Variants in LARGE1 observed in about 807,000 individuals in gnomAD.
LARGE1 encodes the protein LARGE xylosyl- and glucuronyltransferase 1, also known as xylosyl- and glucuronyltransferase LARGE1.
LARGE1 carries 43 observed loss-of-function variants against 87.6 expected under a neutral mutation model. That is an observed-to-expected ratio of 0.49 (90% confidence interval 0.38 to 0.63). The LOEUF (loss-of-function observed/expected upper bound fraction) is 0.63. Among genes scored for constraint, LARGE1 ranks in the 30% least tolerant of loss-of-function variants. LARGE1 has a pLI of 0.00. For missense variants in LARGE1, 802 were observed against 1,000.2 expected, an observed-to-expected ratio of 0.80 and a Z score of 2.67; for synonymous variants, 434 against 394.6, an observed-to-expected ratio of 1.10 and a Z score of -1.18.
At chr22:33,390,502 C>G (rs932032330) in intron 7 of LARGE1, among the ~76,000 whole-genome samples, 2 of 152,116 alleles carry the variant, frequency 1.3e-5, no homozygotes, top group East Asian at 3.9e-4. Flanking sequence ...ATGGGTGGCT[C>G]TTCTTTGTAC....
chr22:33,434,934 C>T (rs2067212568), intron 6 of LARGE1, among the ~76,000 whole-genome samples: 1 of 152,140 alleles, frequency 6.6e-6, no homozygotes, highest in African/African-American at 2.4e-5. Context: ...ATTACTTTAT[C>T]TTCATTCCCA....
chr22:33,702,982 T>A (rs1221847931), intron 2 of LARGE1, among the ~76,000 whole-genome samples: 1 of 152,100 alleles, frequency 6.6e-6, no homozygotes, highest in East Asian at 1.9e-4. Flanking sequence ...GAAAAGGTGT[T>A]CCAGGAAGTG....
intron 5 of LARGE1, among the ~76,000 whole-genome samples, chr22:33,598,935 T>C (rs1384530246): frequency 6.6e-6 from 1 of 152,212 alleles, no homozygotes; most frequent in Non-Finnish European, 1.5e-5. Flanking sequence ...TCTAGATTCT[T>C]GAGGAATTGC....
At chr22:33,707,012 G>A (rs1478709401) in intron 2 of LARGE1, among the ~76,000 whole-genome samples, 2 of 152,220 alleles carry the variant, frequency 1.3e-5, no homozygotes, top group East Asian at 3.8e-4. Context: ...TATGTGTTAA[G>A]GTGTGTCTTC....
chr22:33,849,164 T>C (rs1012659272), intron 1 of LARGE1, among the ~76,000 whole-genome samples: 4 of 152,198 alleles, frequency 2.6e-5, no homozygotes, highest in South Asian at 2.1e-4. Flanking sequence ...GTCTCATCAA[T>C]AGTTAATGCT....
In LARGE1 at chr22:33,164,829, TA is replaced by T. The variant is rs112043234; in HGVS notation, c.*1933del. ...CACTGCGCTCGGCCAAGACAAGAAT[TA>T]AAAAAAAAAAATTACCACGAACTCT... On this transcript the variant is annotated 3_prime_UTR_variant, in exon 12 of 12. Coordinates refer to the LARGE1 transcript ENST00000608642. 1,078 of 146,220 alleles carry T rather than the reference TA, an allele frequency of 7.4e-3. 11 individuals are homozygous for T. The highest frequency in any genetic ancestry group is 0.027 in the East Asian group (135 of 5,026). The allele number at this position is 146,220 out of a possible 1,614,324, so 9.1% of individuals were successfully genotyped here.
At chr22:33,821,915 C>T (rs2086835488) in intron 1 of LARGE1, among the ~76,000 whole-genome samples, 1 of 150,524 alleles carries the variant, frequency 6.6e-6, no homozygotes, top group African/African-American at 2.4e-5. Context: ...ACAGTGATGT[C>T]CCAATCACTC....
At chr22:33,397,960 G>T (rs1156902960) in intron 7 of LARGE1, among the ~76,000 whole-genome samples, 2 of 152,100 alleles carry the variant, frequency 1.3e-5, no homozygotes, top group African/African-American at 4.8e-5. Flanking sequence ...GGAACTGCCT[G>T]TTCTTTTGCT....
At chr22:33,815,406 G>C (rs577127406) in intron 1 of LARGE1, among the ~76,000 whole-genome samples, 74 of 152,286 alleles carry the variant, frequency 4.9e-4, no homozygotes, top group African/African-American at 1.8e-3. Flanking sequence ...CTCATTAAGA[G>C]GCACAGTAAT....
At chr22:33,819,505 C>T (rs2086756738) in intron 1 of LARGE1, among the ~76,000 whole-genome samples, 1 of 152,090 alleles carries the variant, frequency 6.6e-6, no homozygotes, top group Non-Finnish European at 1.5e-5. Flanking sequence ...TTCACCAAAT[C>T]CTTAATTTCC....
intron 7 of LARGE1, 84 bp from the exon 8 acceptor site, chr22:33,384,388 A>G: frequency 1.0e-6 from 1 of 955,132 alleles, no homozygotes; most frequent in Non-Finnish European, 1.7e-6. Flanking sequence ...TCACAGCCAC[A>G]GTCTCTCGGG....
intron 1 of LARGE1, among the ~76,000 whole-genome samples, chr22:33,783,754 A>G (rs577699338): frequency 6.6e-6 from 1 of 152,288 alleles, no homozygotes; most frequent in South Asian, 2.1e-4. Context: ...TGGTCGCAGG[A>G]TAAGAGAATG....
chr22:33,631,158 TCTA>T (rs1449992043), intron 3 of LARGE1, among the ~76,000 whole-genome samples: 5 of 45,910 alleles, frequency 1.1e-4, no homozygotes, highest in Non-Finnish European at 2.0e-4. Flanking sequence ...CAGCCAACTG[TCTA>T]TTTTTTTTTT....
intron 5 of LARGE1, among the ~76,000 whole-genome samples, chr22:33,567,165 T>C (rs759033180): frequency 6.6e-6 from 1 of 152,170 alleles, no homozygotes; most frequent in African/African-American, 2.4e-5. Flanking sequence ...CTGCCCTAAA[T>C]TGGCCTCCTG....
At position 33,673,523 on chromosome 22, in the gene LARGE1, C is replaced by T. The variant is rs565902313; in HGVS notation, c.107-22855G>A. Among the ~76,000 whole-genome samples the T allele has an allele frequency of 2.0e-5, 3 of 152,246 alleles. No individual in the cohort carries two copies. The East Asian group carries it at 5.8e-4, about 29-fold the overall frequency. On this transcript the variant is annotated intron_variant, in intron 2 of 14. Transcript: ENST00000397394. Reference sequence around the variant, plus strand: ...CATTCTTGTCAAAAAAATTATTAATCGTGGTAAAATATACGTAACATAAAG... The same window carrying T: ...CATTCTTGTCAAAAAAATTATTAATTGTGGTAAAATATACGTAACATAAAG...
chr22:33,745,528 T>G (rs2084047483), intron 2 of LARGE1, among the ~76,000 whole-genome samples: 1 of 152,100 alleles, frequency 6.6e-6, no homozygotes, highest in Non-Finnish European at 1.5e-5. Flanking sequence ...CACTGGGGAT[T>G]TGAAGAGTCC....
chr22:33,166,207 G>A (rs116080858), exon 12 of LARGE1: 2 of 152,298 alleles, frequency 1.3e-5, no homozygotes, highest in Non-Finnish European at 2.9e-5. Context: ...GGATACCTAG[G>A]GCCACCTGGA....
chr22:33,729,863 G>A (rs996420627), intron 2 of LARGE1, among the ~76,000 whole-genome samples: 2 of 152,148 alleles, frequency 1.3e-5, no homozygotes, highest in African/African-American at 4.8e-5. Context: ...ATGCTTACCC[G>A]TTCTCCCCTC....
chr22:33,089,333 C>CCTCTTCTTCTTCTTTCTTCTTCT, the LARGE1 span, among the ~76,000 whole-genome samples: 1 of 66,378 alleles, frequency 1.5e-5, no homozygotes, highest in Non-Finnish European at 2.8e-5. Context: ...TCTTCTTCTT[C>CCTCTTCTTCTTCTTTCTTCTTCT]TTCTTCTTCT....
Sources: gnomAD v4.1 joint callset for allele counts (sites outside exome capture counted in the v4.1 genomes callset) on GRCh38, gnomAD v4.1.1 for gene constraint, MANE v1.5 for transcripts, NCBI Gene and HGNC (gene_info 2026-07-23, HGNC 2026-07-21) for gene names.